The following ADAMTS20 variants were observed in gnomAD, a reference collection of about 807,000 sequenced individuals.
ADAMTS20 encodes the protein A disintegrin and metalloproteinase with thrombospondin motifs 20.
ADAMTS20 carries 225 observed loss-of-function variants against 260.1 expected under a neutral mutation model. The ratio of observed to expected loss-of-function variants is 0.87; its 90% CI spans 0.78 to 0.97. The LOEUF is 0.97. Ranked by LOEUF, ADAMTS20 falls within the 50% of genes least tolerant of loss-of-function variation. ADAMTS20 has a pLI of 0.00. For missense variants in ADAMTS20, 2,400 were observed against 2,337.7 expected (o/e 1.03, Z -0.55); for synonymous variants, 802 against 769.5 (o/e 1.04, Z -0.70).
In ADAMTS20 at chr12:43,366,675, G is replaced by A. The variant is rs548119583; in HGVS notation, c.5538+2615C>T. Among the ~76,000 whole-genome samples the A allele has an allele frequency of 1.1e-4, 16 of 151,554 alleles. No homozygotes were observed. In the South Asian group the frequency reaches 1.5e-3, roughly 14 times the overall value. On this transcript the variant is annotated intron_variant, in intron 37 of 38. Coordinates refer to ENST00000389420, the MANE Select transcript of ADAMTS20 (RefSeq NM_025003.5). ...AAATTTGGGAAATTTACAAATATGC[G>A]GAAATTAAACTCCACACTCTTAAAT...
chr12:43,368,703 T>G (rs761737270), intron 37 of ADAMTS20, among the ~76,000 whole-genome samples: 3 of 152,034 alleles, frequency 2.0e-5, no homozygotes, highest in Non-Finnish European at 4.4e-5. Context: ...ATAAAAATGT[T>G]CTTTTCATTA....
intron 24 of ADAMTS20, 62 bp from the exon 25 acceptor site, chr12:43,428,861 T>C: frequency 7.2e-7 from 1 of 1,392,390 alleles, no homozygotes; most frequent in Non-Finnish European, 9.5e-7. Flanking sequence ...ATGTCCCTTT[T>C]ACATAGCTGT....
At chr12:43,395,679 T>G (rs1940686355) in intron 29 of ADAMTS20, among the ~76,000 whole-genome samples, 1 of 46,134 alleles carries the variant, frequency 2.2e-5, no homozygotes, top group Admixed American at 3.5e-4. Context: ...GTGAGATTCT[T>G]TTTTTTTTTT....
chr12:43,475,689 G>A (rs1365830963), intron 7 of ADAMTS20, among the ~76,000 whole-genome samples: 23 of 148,744 alleles, frequency 1.5e-4, no homozygotes, highest in Non-Finnish European at 2.7e-4. Flanking sequence ...AAATAACGCC[G>A]CATACCTACA....
rs540648686 is a variant in ADAMTS20 at position 43,504,959 on chromosome 12, C to T, written c.614-2554G>A. On this transcript the variant is annotated intron_variant, in intron 3 of 38. Transcript: ENST00000389420. ...TCTACCCTATGACATTGCAGTTCCA[C>T]CCCTAGGTATTTATCTAAGAGAAGG... Among the ~76,000 whole-genome samples, 4 of 152,258 alleles carry T rather than the reference C, an allele frequency of 2.6e-5. No homozygotes were observed. In the East Asian group the frequency reaches 7.7e-4, roughly 29 times the overall value.
intron 37 of ADAMTS20, among the ~76,000 whole-genome samples, chr12:43,359,601 C>T (rs539662213): frequency 3.9e-5 from 6 of 152,190 alleles, no homozygotes; most frequent in South Asian, 4.1e-4. Flanking sequence ...TAACACTTAT[C>T]GTAAAGCTAT....
rs1941471577 is a variant in ADAMTS20 at position 43,432,694 on chromosome 12, G to T, written c.2838C>A (p.Asp946Glu). The T allele has an allele frequency of 6.2e-7, 1 of 1,613,878 alleles. No individual in the cohort carries two copies. Among genetic ancestry groups the T allele is most frequent in the African/African-American group, 1.3e-5 (1 of 75,038 alleles). The part of the protein sequence containing the change: ...IHEGQTVQVD[D>E]HYCGDQLKPP... The stretch of plus-strand genomic sequence containing the variant: ...GTTTAAGCTGGTCACCACAGTAGTG[G>T]TCATCAACTTGAACAGTCTGTCCTT... Residue 946 changes from aspartate (D) to glutamate (E), a missense_variant, in exon 20 of 39, where the codon GAC becomes GAA. Physicochemically the swap from Asp to Glu is conservative, Grantham distance 45. Coordinates refer to ENST00000389420, the MANE Select transcript of ADAMTS20 (RefSeq NM_025003.5).
chr12:43,400,995 A>G (rs1473537036), intron 28 of ADAMTS20, among the ~76,000 whole-genome samples: 1 of 151,994 alleles, frequency 6.6e-6, no homozygotes, highest in African/African-American at 2.4e-5. Context: ...AATGATACAC[A>G]TCATCTATGA....
intron 3 of ADAMTS20, among the ~76,000 whole-genome samples, chr12:43,529,356 T>C (rs1031185790): frequency 3.3e-5 from 5 of 152,152 alleles, no homozygotes; most frequent in African/African-American, 1.2e-4. Context: ...TGCACACATA[T>C]GTTTATTGCA....
intron 3 of ADAMTS20, among the ~76,000 whole-genome samples, chr12:43,502,683 G>A (rs74323299): frequency 0.04 from 6,068 of 152,036 alleles, 375 homozygotes; most frequent in African/African-American, 0.14. Flanking sequence ...AAGGTATGAC[G>A]ATTCAAAAGC....
At chr12:43,449,481 C>G (rs1941824802) in intron 14 of ADAMTS20, among the ~76,000 whole-genome samples, 1 of 151,784 alleles carries the variant, frequency 6.6e-6, no homozygotes, top group Non-Finnish European at 1.5e-5. Context: ...CTGGGGCCTG[C>G]TGAGGGTGGA....
intron 29 of ADAMTS20, among the ~76,000 whole-genome samples, chr12:43,397,278 T>C (rs1186380567): frequency 6.6e-6 from 1 of 152,166 alleles, no homozygotes; most frequent in East Asian, 1.9e-4. Context: ...GAGATAATTC[T>C]GAACAAGTGA....
intron 36 of ADAMTS20, among the ~76,000 whole-genome samples, chr12:43,370,461 T>G (rs1940083049): frequency 1.3e-5 from 2 of 152,242 alleles, no homozygotes; most frequent in South Asian, 4.1e-4. Flanking sequence ...ATTTGTGGCA[T>G]TTGTGGATTA....
intron 2 of ADAMTS20, among the ~76,000 whole-genome samples, chr12:43,534,633 G>A (rs1173450529): frequency 6.6e-6 from 1 of 151,956 alleles, no homozygotes; most frequent in Non-Finnish European, 1.5e-5. Context: ...GGCATCCCTT[G>A]AGGTTATAAA....
intron 7 of ADAMTS20, among the ~76,000 whole-genome samples, chr12:43,479,677 C>T (rs1942412326): frequency 6.6e-6 from 1 of 151,536 alleles, no homozygotes; most frequent in Non-Finnish European, 1.5e-5. Flanking sequence ...TTATGGGACA[C>T]AAAAAAGTGA....
At position 43,399,168 on chromosome 12, in the gene ADAMTS20, C is replaced by G; in HGVS notation, c.4350G>C (p.Arg1450Ser). 1 of 1,574,896 alleles carries G rather than the reference C, an allele frequency of 6.3e-7. No individual in the cohort carries two copies. The change falls in exon 29 of 39, where the codon AGG (arginine) becomes AGC (serine). Residue 1450 changes from arginine to serine, a missense_variant. Coordinates refer to ENST00000389420, the MANE Select transcript of ADAMTS20 (RefSeq NM_025003.5). ...GACTGCAATTTGTGTCTTCTAATTTCCTTTGGAATTGGTCAATGCAAAACA... is the reference window on the plus strand; with the variant it reads ...GACTGCAATTTGTGTCTTCTAATTTGCTTTGGAATTGGTCAATGCAAAACA... ...REVFCIDQFQRKLEDTNCSQV... is the reference protein window; with the variant it reads ...REVFCIDQFQSKLEDTNCSQV...
chr12:43,472,034 C>T (rs1413309114), intron 7 of ADAMTS20, among the ~76,000 whole-genome samples: 16 of 151,864 alleles, frequency 1.1e-4, no homozygotes, highest in African/African-American at 3.9e-4. Context: ...AATCAAATTA[C>T]TCTGAGCTAC....
At chr12:43,537,149 A>G (rs1943306967) in intron 2 of ADAMTS20, among the ~76,000 whole-genome samples, 1 of 152,084 alleles carries the variant, frequency 6.6e-6, no homozygotes, top group Admixed American at 6.5e-5. Flanking sequence ...AGCTCACTGC[A>G]ACCTCCACCT....
intron 19 of ADAMTS20, 67 bp downstream of exon 19, chr12:43,434,178 T>C: frequency 6.9e-7 from 1 of 1,459,232 alleles, no homozygotes; most frequent in Non-Finnish European, 9.2e-7. Flanking sequence ...TGTCAGTCAC[T>C]GTGTTAGACA....
Sources: gnomAD v4.1 joint callset for allele counts (sites outside exome capture counted in the v4.1 genomes callset) on GRCh38, gnomAD v4.1.1 for gene constraint, MANE v1.5 for transcripts, NCBI Gene and HGNC (gene_info 2026-07-23, HGNC 2026-07-21) for gene names.